Variants in EFR3A observed in about 807,000 individuals in gnomAD.
The protein encoded by EFR3A is protein EFR3 homolog A.
Under a neutral mutation model 104.4 loss-of-function variants are expected in EFR3A, and 76 were observed. The ratio of observed to expected loss-of-function variants is 0.73; its 90% confidence interval spans 0.60 to 0.88. EFR3A has a LOEUF of 0.88. EFR3A is among the 40% of genes least tolerant of loss of function. The probability of loss-of-function intolerance (pLI) is 0.00; values close to 1 mark genes in which losing one functional copy is unlikely to be tolerated. For missense variants in EFR3A, 985 were observed against 1,012.5 expected (o/e 0.97, Z 0.37); for synonymous variants, 330 against 330.0 (o/e 1.00, Z 0.00).
intron 1 of EFR3A, among the ~76,000 whole-genome samples, chr8:131,921,088 C>CT (rs777822357): frequency 1.1e-4 from 16 of 152,254 alleles, no homozygotes; most frequent in Middle Eastern, 3.4e-3. Context: ...TTGAAAAACA[C>CT]TTGGATTAGA....
At chr8:131,909,917 C>G (rs761764251) in intron 1 of EFR3A, among the ~76,000 whole-genome samples, 1 of 152,170 alleles carries the variant, frequency 6.6e-6, no homozygotes, top group Non-Finnish European at 1.5e-5. Flanking sequence ...ATACTATGCC[C>G]GCAGCCTGGC....
rs1818118676 is a variant in EFR3A at position 131,940,582 on chromosome 8, T to C, written c.87+7T>C. On this transcript the variant is annotated splice_region_variant and intron_variant, in intron 2 of 22. Coordinates refer to ENST00000254624, the MANE Select transcript of EFR3A (RefSeq NM_015137.6). ...ATTCCCTGAAGATCCAAAAGTAATT[T>C]GATCTACATCTACTGATCCTTCTCT... The C allele has an allele frequency of 3.7e-6, 6 of 1,602,794 alleles. No individual in the cohort carries two copies. The highest frequency in any genetic ancestry group is 5.1e-6 in the Non-Finnish European group (6 of 1,174,280).
chr8:131,911,707 G>C (rs1464361344), intron 1 of EFR3A, among the ~76,000 whole-genome samples: 2 of 152,182 alleles, frequency 1.3e-5, no homozygotes, highest in Non-Finnish European at 2.9e-5. Flanking sequence ...TTTATGCTTA[G>C]GTTCAACAAA....
rs2130629680 is a variant in EFR3A, at chr8:131,955,893, G to A, written c.764G>A (p.Arg255Lys). The A allele has an allele frequency of 6.2e-7, 1 of 1,612,922 alleles. No individual in the cohort carries two copies. The highest frequency in any genetic ancestry group is 2.2e-5 in the East Asian group (1 of 44,858). ...ATFGNMNNAVRPVFAHLDHHK... is the reference protein window; with the variant it reads ...ATFGNMNNAVKPVFAHLDHHK... Reference sequence around the variant, plus strand: ...TTTGGGAATATGAATAATGCTGTTAGACCAGTTTTTGCGTAAGTAGTTGGT... The same window carrying A: ...TTTGGGAATATGAATAATGCTGTTAAACCAGTTTTTGCGTAAGTAGTTGGT... The change falls in exon 7 of 23, where the codon AGA becomes AAA. Residue 255 changes from arginine (R) to lysine (K), a missense_variant. By Grantham distance (26) the Arg-to-Lys change is conservative. Coordinates refer to ENST00000254624, the MANE Select transcript of EFR3A (RefSeq NM_015137.6).
At chr8:131,988,254 A>G (rs767602182) in intron 18 of EFR3A, among the ~76,000 whole-genome samples, 7 of 152,020 alleles carry the variant, frequency 4.6e-5, no homozygotes, top group Non-Finnish European at 7.4e-5. Flanking sequence ...CTTGTATTCA[A>G]CTTTTACTGT....
intron 12 of EFR3A, 25 bp downstream of exon 12, chr8:131,977,117 G>A: frequency 6.4e-7 from 1 of 1,554,438 alleles, no homozygotes. Flanking sequence ...ACAAATAAAG[G>A]ACACACTTAA....
At chr8:131,931,645 A>G (rs1307415860) in intron 1 of EFR3A, among the ~76,000 whole-genome samples, 1 of 152,172 alleles carries the variant, frequency 6.6e-6, no homozygotes, top group East Asian at 1.9e-4. Flanking sequence ...GACATTTTAT[A>G]AAACATTTTC....
intron 19 of EFR3A, chr8:132,000,973 A>G (rs1821757410): frequency 6.6e-6 from 1 of 152,220 alleles, no homozygotes; most frequent in Non-Finnish European, 1.5e-5. Flanking sequence ...CTCATGAGCT[A>G]AAATTAGGGA....
chr8:131,984,031 G>A (rs1586650462), intron 14 of EFR3A, 108 bp from the exon 15 acceptor site: 1 of 884,512 alleles, frequency 1.1e-6, no homozygotes, highest in Non-Finnish European at 1.6e-6. Flanking sequence ...TCATTTCCAT[G>A]TTAAGCTATA....
At chr8:131,986,098 A>T in intron 16 of EFR3A, 96 bp from the exon 17 acceptor site, 1 of 526,408 alleles carries the variant, frequency 1.9e-6, no homozygotes. Flanking sequence ...ATAAATGTTT[A>T]AAGTTGTTTT....
intron 12 of EFR3A, 88 bp downstream of exon 12, chr8:131,977,180 T>C: frequency 1.1e-6 from 1 of 942,468 alleles, no homozygotes; most frequent in Non-Finnish European, 1.6e-6. Flanking sequence ...AACCGTTCTT[T>C]CTTAAGTAAG....
intron 18 of EFR3A, among the ~76,000 whole-genome samples, chr8:131,989,258 G>T (rs1821043221): frequency 6.6e-6 from 1 of 152,110 alleles, no homozygotes; most frequent in African/African-American, 2.4e-5. Flanking sequence ...ATTTCCTTTT[G>T]CTGTGTAACC....
chr8:131,927,699 G>A (rs766415899), intron 1 of EFR3A, among the ~76,000 whole-genome samples: 1 of 151,996 alleles, frequency 6.6e-6, no homozygotes, highest in African/African-American at 2.4e-5. Flanking sequence ...TCAGTTACCA[G>A]CTATCTGTTA....
chr8:131,975,044 A>G (rs1820252312), intron 10 of EFR3A, among the ~76,000 whole-genome samples: 1 of 152,212 alleles, frequency 6.6e-6, no homozygotes, highest in South Asian at 2.1e-4. Flanking sequence ...TGAGTAATTG[A>G]TAATTAAAGG....
At chr8:131,918,882 C>A (rs918843869) in intron 1 of EFR3A, among the ~76,000 whole-genome samples, 1 of 152,158 alleles carries the variant, frequency 6.6e-6, no homozygotes, top group Non-Finnish European at 1.5e-5. Flanking sequence ...CCTGAGATAA[C>A]TCATATCCTA....
chr8:131,913,132 G>GTTTTTTTTTTTTT (rs5895116), intron 1 of EFR3A, among the ~76,000 whole-genome samples: 1 of 132,294 alleles, frequency 7.6e-6, no homozygotes, highest in African/African-American at 2.8e-5. Context: ...TTATTTTTCT[G>GTTTTTTTTTTTTT]TTTTTTTTTT....
intron 14 of EFR3A, among the ~76,000 whole-genome samples, chr8:131,983,124 C>T (rs527410954): frequency 2.0e-5 from 3 of 152,246 alleles, no homozygotes; most frequent in East Asian, 3.9e-4. Context: ...GTGCTGTTCT[C>T]GCCCAGTTTC....
chr8:132,010,524 C>A (rs556806369), intron 22 of EFR3A, among the ~76,000 whole-genome samples: 93 of 148,312 alleles, frequency 6.3e-4, no homozygotes, highest in Non-Finnish European at 1.2e-3. Flanking sequence ...TGAAACAAAG[C>A]TCACAAGAAT....
chr8:132,011,704 A>T lies in EFR3A; in HGVS notation c.*809A>T, dbSNP rs1185751119. On this transcript the variant is annotated 3_prime_UTR_variant, in exon 23 of 23. Transcript: ENST00000254624. The stretch of plus-strand genomic sequence containing the variant: ...TTGCTGTGGCTCCATTAATTAAATG[A>T]GATATATATTTAGTGCAGAAAAAAG... 6.5e-6 allele frequency: 1 copy of T among 152,928 alleles called. No homozygotes were observed. The highest frequency in any genetic ancestry group is 1.5e-5 in the Non-Finnish European group (1 of 68,328). The allele number at this position is 152,928 out of a possible 1,614,324, so 9.5% of individuals were successfully genotyped here.
Sources: gnomAD v4.1 joint callset for allele counts (sites outside exome capture counted in the v4.1 genomes callset) on GRCh38, gnomAD v4.1.1 for gene constraint, MANE v1.5 for transcripts, NCBI Gene and HGNC (gene_info 2026-07-23, HGNC 2026-07-21) for gene names.